Variants in IQSEC1 observed in about 807,000 individuals in gnomAD.
IQSEC1 encodes IQ motif and SEC7 domain-containing protein 1.
IQSEC1 carries 31 observed loss-of-function variants against 91.0 expected under a neutral mutation model. The observed-to-expected ratio is 0.34, with a 90% CI of 0.26 to 0.46. The LOEUF (loss-of-function observed/expected upper bound fraction) is 0.46. Among genes scored for constraint, IQSEC1 ranks in the 20% least tolerant of loss-of-function variants. The pLI, the probability that IQSEC1 is intolerant of heterozygous loss-of-function variation, is 1.00. For synonymous variants in IQSEC1, 699 were observed against 662.6 expected (o/e 1.05, Z -0.84); for missense variants, 1,388 against 1,575.6 (o/e 0.88, Z 2.02).
intron 1 of IQSEC1, among the ~76,000 whole-genome samples, chr3:13,230,455 G>A (rs1361702843): frequency 1.3e-5 from 2 of 152,200 alleles, no homozygotes; most frequent in Non-Finnish European, 2.9e-5. Flanking sequence ...AGATGTGATT[G>A]TTTTTTGGCC....
intron 1 of IQSEC1, among the ~76,000 whole-genome samples, chr3:13,222,056 T>A (rs1485912517): frequency 6.6e-6 from 1 of 152,118 alleles, no homozygotes; most frequent in Non-Finnish European, 1.5e-5. Context: ...TACCACCTCA[T>A]CCATTTTAAG....
chr3:12,977,779 T>A (rs1701258412), intron 1 of IQSEC1, among the ~76,000 whole-genome samples: 1 of 152,216 alleles, frequency 6.6e-6, no homozygotes, highest in Non-Finnish European at 1.5e-5. Context: ...CCTAAGTGAG[T>A]TAAACATCCC....
At chr3:13,210,164 C>G (rs1240539420) in intron 1 of IQSEC1, among the ~76,000 whole-genome samples, 1 of 152,130 alleles carries the variant, frequency 6.6e-6, no homozygotes, top group African/African-American at 2.4e-5. Context: ...ACAAACGCAC[C>G]AGGATTTTAA....
chr3:13,059,417 A>G (rs1704989548), intron 1 of IQSEC1, among the ~76,000 whole-genome samples: 1 of 151,796 alleles, frequency 6.6e-6, no homozygotes, highest in African/African-American at 2.4e-5. Flanking sequence ...GGCTTTTCCT[A>G]TCACCCCCTG....
intron 1 of IQSEC1, among the ~76,000 whole-genome samples, chr3:13,276,090 T>TTTC (rs1332090109): frequency 1.8e-5 from 2 of 112,172 alleles, no homozygotes; most frequent in Non-Finnish European, 3.6e-5. Context: ...CTTTTTTTTT[T>TTTC]TTTTTTTTTT....
intron 9 of IQSEC1, 61 bp from the exon 10 acceptor site, chr3:12,911,789 A>T (rs973589956): frequency 8.6e-7 from 1 of 1,157,202 alleles, no homozygotes. Context: ...ACTATGTGGG[A>T]CCTCTGGTCA....
intron 1 of IQSEC1, chr3:13,021,959 C>G (rs1195829939): frequency 6.8e-6 from 7 of 1,026,144 alleles, no homozygotes; most frequent in Non-Finnish European, 8.7e-6. Flanking sequence ...CTTCCTGGAC[C>G]CTGTACAGCC....
At chr3:13,160,810 G>A (rs1279049948) in intron 2 of IQSEC1, among the ~76,000 whole-genome samples, 1 of 152,248 alleles carries the variant, frequency 6.6e-6, no homozygotes, top group Non-Finnish European at 1.5e-5. Context: ...CTGGGTGCCT[G>A]TTCTGTGCCC....
intron 1 of IQSEC1, among the ~76,000 whole-genome samples, chr3:12,971,562 G>A (rs866561342): frequency 6.6e-6 from 1 of 152,192 alleles, no homozygotes; most frequent in Non-Finnish European, 1.5e-5. Flanking sequence ...ACACAACATT[G>A]TGATAGAAAG....
chr3:13,107,672 C>T (rs2124851012), intron 2 of IQSEC1, among the ~76,000 whole-genome samples: 1 of 152,356 alleles, frequency 6.6e-6, no homozygotes, highest in East Asian at 1.9e-4. Context: ...GGTCTATAAC[C>T]TCTTCCCAGT....
intron 1 of IQSEC1, among the ~76,000 whole-genome samples, chr3:12,943,133 CA>C (rs1698910882): frequency 6.6e-6 from 1 of 152,198 alleles, no homozygotes; most frequent in African/African-American, 2.4e-5. Flanking sequence ...CTGAGGCCTA[CA>C]GGGGGTGCCA....
At chr3:12,993,630 A>G (rs1270767455) in intron 1 of IQSEC1, among the ~76,000 whole-genome samples, 3 of 152,162 alleles carry the variant, frequency 2.0e-5, no homozygotes, top group Non-Finnish European at 2.9e-5. Context: ...CCGACCCCCA[A>G]TATCGCGCCT....
intron 1 of IQSEC1, among the ~76,000 whole-genome samples, chr3:13,173,816 G>C (rs1693666410): frequency 1.3e-5 from 2 of 152,204 alleles, no homozygotes; most frequent in Admixed American, 6.5e-5. Flanking sequence ...CACAGCATCA[G>C]CATCACCTAG....
At chr3:13,188,921 C>T (rs1032862151) in intron 1 of IQSEC1, among the ~76,000 whole-genome samples, 1 of 152,176 alleles carries the variant, frequency 6.6e-6, no homozygotes, top group African/African-American at 2.4e-5. Flanking sequence ...TTGAGTGGGC[C>T]CTTAAGTCCA....
At chr3:13,011,043 T>C (rs1262260595) in intron 1 of IQSEC1, among the ~76,000 whole-genome samples, 1 of 152,228 alleles carries the variant, frequency 6.6e-6, no homozygotes, top group Non-Finnish European at 1.5e-5. Flanking sequence ...CCCATCACTC[T>C]GCTTATTTCC....
intron 1 of IQSEC1, among the ~76,000 whole-genome samples, chr3:13,007,705 T>C (rs1419956771): frequency 6.6e-6 from 1 of 152,244 alleles, no homozygotes; most frequent in African/African-American, 2.4e-5. Context: ...TTGCTGCTGC[T>C]TGAAAGCCTC....
intron 1 of IQSEC1, among the ~76,000 whole-genome samples, chr3:13,281,875 G>A (rs1017547834): frequency 5.3e-5 from 8 of 152,184 alleles, no homozygotes; most frequent in Non-Finnish European, 2.9e-5. Context: ...AGGGCACAGA[G>A]CAGCAGAAAC....
At chr3:12,945,103 AAG>A (rs1699091755) in intron 1 of IQSEC1, among the ~76,000 whole-genome samples, 2 of 152,312 alleles carry the variant, frequency 1.3e-5, no homozygotes, top group African/African-American at 4.8e-5. Flanking sequence ...GGGTTGGGGA[AAG>A]AGATCAGGCG....
chr3:13,073,456 T>TC (rs1485692323), upstream of IQSEC1, among the ~76,000 whole-genome samples: 1 of 151,730 alleles, frequency 6.6e-6, no homozygotes, highest in Non-Finnish European at 1.5e-5. Context: ...CGCCGGAGCC[T>TC]CCCCCACCCC....
Sources: gnomAD v4.1 joint callset for allele counts (sites outside exome capture counted in the v4.1 genomes callset) on GRCh38, gnomAD v4.1.1 for gene constraint, MANE v1.5 for transcripts, NCBI Gene and HGNC (gene_info 2026-07-23, HGNC 2026-07-21) for gene names.